INPP4B: variants seen among roughly 807,000 people sequenced by gnomAD.
The protein encoded by INPP4B is inositol polyphosphate 4-phosphatase type II.
Under a neutral mutation model 122.5 loss-of-function variants are expected in INPP4B, and 55 were observed. That is an observed-to-expected ratio of 0.45 (90% CI 0.36 to 0.56). The LOEUF (loss-of-function observed/expected upper bound fraction) is 0.56. Among genes scored for constraint, INPP4B ranks in the 20% least tolerant of loss-of-function variants. The pLI is 0.00. For missense variants in INPP4B, 1,000 were observed against 1,097.7 expected (o/e 0.91, Z 1.26); for synonymous variants, 403 against 388.7 (o/e 1.04, Z -0.43).
intron 7 of INPP4B, among the ~76,000 whole-genome samples, chr4:142,342,918 G>A (rs933820523): frequency 2.0e-5 from 3 of 152,022 alleles, no homozygotes; most frequent in African/African-American, 7.3e-5. Flanking sequence ...TTTAAAACTG[G>A]AATAGTTAGT....
chr4:142,630,557 G>A (rs1747704930), intron 2 of INPP4B, among the ~76,000 whole-genome samples: 1 of 151,870 alleles, frequency 6.6e-6, no homozygotes, highest in South Asian at 2.1e-4. Context: ...TGCTACTGAG[G>A]GCAACTAGAA....
At chr4:142,143,018 C>G (rs1236685662) in intron 18 of INPP4B, among the ~76,000 whole-genome samples, 5 of 152,010 alleles carry the variant, frequency 3.3e-5, no homozygotes, top group Admixed American at 6.6e-5. Flanking sequence ...TCTGCCTCGG[C>G]CCCATGTCTC....
rs1299317796 is a variant in INPP4B, at chr4:142,026,072, G to T, written c.*2710C>A. On this transcript the variant is annotated 3_prime_UTR_variant, in exon 26 of 26. Coordinates refer to ENST00000262992, the MANE Select transcript of INPP4B (RefSeq NM_001101669.3). ...CATATTATTTTTGAGCAAAAAAAGAGTTTGGAAATGTCATTTGCTCAGTTC... is the reference window on the plus strand; with the variant it reads ...CATATTATTTTTGAGCAAAAAAAGATTTTGGAAATGTCATTTGCTCAGTTC... 1 of 152,098 alleles carries T rather than the reference G, an allele frequency of 6.6e-6. No homozygotes were observed. Among genetic ancestry groups the T allele is most frequent in the Non-Finnish European group, 1.5e-5 (1 of 68,010 alleles). The allele number at this position is 152,098 out of a possible 1,614,324, so 9.4% of individuals were successfully genotyped here. A position where few individuals can be genotyped will look rare whatever the true frequency, so the allele number is the denominator to read the frequency against.
At chr4:142,287,409 T>C (rs1320152673) in intron 9 of INPP4B, 2 of 152,200 alleles carry the variant, frequency 1.3e-5, no homozygotes, top group Non-Finnish European at 1.5e-5. Context: ...GTTCAGACGA[T>C]TATATCCCCT....
At chr4:142,485,421 A>G (rs1439485284) in intron 2 of INPP4B, among the ~76,000 whole-genome samples, 5 of 152,142 alleles carry the variant, frequency 3.3e-5, no homozygotes, top group Non-Finnish European at 7.4e-5. Context: ...AATTTATGTC[A>G]GCATTACATA....
At chr4:142,245,777 TATATATGTGTGTATGTATAC>T (rs1727741140) in intron 11 of INPP4B, among the ~76,000 whole-genome samples, 2 of 140,874 alleles carry the variant, frequency 1.4e-5, no homozygotes, top group Admixed American at 6.9e-5. Context: ...TGTGTGTATA[TATATATGTGTGTATGTATAC>T]ATATATATGT....
chr4:142,461,299 C>T (rs569224198), intron 3 of INPP4B, among the ~76,000 whole-genome samples: 1 of 152,276 alleles, frequency 6.6e-6, no homozygotes, highest in East Asian at 1.9e-4. Flanking sequence ...CATTATAAAA[C>T]TTTATAAATC....
chr4:142,679,750 A>G lies in INPP4B; in HGVS notation c.-191+46089T>C, dbSNP rs1758339578. ...AGCAGAGAGTACTCTCTATCGGATA[A>G]CTTTTCAGGCTATTTATATGAGATT... On this transcript the variant is annotated intron_variant, in intron 2 of 25. Transcript: ENST00000262992. Among the ~76,000 whole-genome samples the G allele has an allele frequency of 7.9e-5, 12 of 151,842 alleles. No homozygotes were observed. The South Asian group carries it at 2.5e-3, about 32-fold the overall frequency.
At chr4:142,154,893 T>A (rs2152883528) in intron 17 of INPP4B, among the ~76,000 whole-genome samples, 1 of 152,176 alleles carries the variant, frequency 6.6e-6, no homozygotes, top group South Asian at 2.1e-4. Flanking sequence ...GCTTATAAAG[T>A]TCATGAACAC....
chr4:142,367,771 G>A (rs1462981484), intron 7 of INPP4B, among the ~76,000 whole-genome samples: 1 of 152,108 alleles, frequency 6.6e-6, no homozygotes, highest in Non-Finnish European at 1.5e-5. Context: ...ACTAGAATAA[G>A]GTTAGAGATC....
intron 2 of INPP4B, among the ~76,000 whole-genome samples, chr4:142,697,576 G>A (rs1170995674): frequency 6.6e-6 from 1 of 152,076 alleles, no homozygotes; most frequent in African/African-American, 2.4e-5. Context: ...TTCTTGCTGG[G>A]CTTTTCTATA....
chr4:142,395,354 A>G (rs1328125527), intron 7 of INPP4B, among the ~76,000 whole-genome samples: 1 of 152,206 alleles, frequency 6.6e-6, no homozygotes, highest in Non-Finnish European at 1.5e-5. Context: ...TAAAATATTA[A>G]AAGTTGCTAG....
At chr4:142,796,448 C>T (rs969138925) in intron 1 of INPP4B, among the ~76,000 whole-genome samples, 3 of 151,902 alleles carry the variant, frequency 2.0e-5, no homozygotes, top group South Asian at 2.1e-4. Context: ...GACACTCTAA[C>T]CAGGGAATGA....
intron 7 of INPP4B, among the ~76,000 whole-genome samples, chr4:142,358,449 A>C (rs1007200697): frequency 1.3e-5 from 2 of 151,906 alleles, no homozygotes; most frequent in Admixed American, 6.6e-5. Flanking sequence ...AAATCTCAAT[A>C]GATTGCAAAC....
At chr4:142,524,293 T>C (rs1245829687) in intron 2 of INPP4B, among the ~76,000 whole-genome samples, 1 of 152,140 alleles carries the variant, frequency 6.6e-6, no homozygotes, top group Non-Finnish European at 1.5e-5. Context: ...AGTGTTCCTA[T>C]TTCTCCACAT....
intron 7 of INPP4B, among the ~76,000 whole-genome samples, chr4:142,319,613 T>G (rs1229977057): frequency 6.6e-6 from 1 of 152,130 alleles, no homozygotes; most frequent in African/African-American, 2.4e-5. Context: ...ACCAATGAAA[T>G]GTACATGCAA....
intron 1 of INPP4B, among the ~76,000 whole-genome samples, chr4:142,809,296 T>C (rs567526587): frequency 2.6e-4 from 39 of 152,268 alleles, no homozygotes; most frequent in African/African-American, 9.4e-4. Context: ...TGATGTAATA[T>C]AAGAAAAGAC....
chr4:142,225,919 T>C (rs1579350346), intron 12 of INPP4B, among the ~76,000 whole-genome samples: 1 of 152,156 alleles, frequency 6.6e-6, no homozygotes, highest in African/African-American at 2.4e-5. Context: ...GCTACCACAG[T>C]CTCTCATCTG....
intron 1 of INPP4B, among the ~76,000 whole-genome samples, chr4:142,744,869 T>C (rs903508655): frequency 1.3e-5 from 2 of 151,886 alleles, no homozygotes; most frequent in African/African-American, 4.8e-5. Flanking sequence ...TCCTCCTTAT[T>C]ATTTCTTAAA....
Sources: gnomAD v4.1 joint callset for allele counts (sites outside exome capture counted in the v4.1 genomes callset) on GRCh38, gnomAD v4.1.1 for gene constraint, MANE v1.5 for transcripts, NCBI Gene and HGNC (gene_info 2026-07-23, HGNC 2026-07-21) for gene names.